The following NEMP2 variants were observed in gnomAD, a reference collection of about 807,000 sequenced individuals.
The protein encoded by NEMP2 is UPF0571 transmembrane protein.
Under a neutral mutation model 54.2 loss-of-function variants are expected in NEMP2, and 53 were observed. The observed-to-expected ratio is 0.98, with a 90% CI of 0.78 to 1.23. The LOEUF (loss-of-function observed/expected upper bound fraction) is 1.23, where lower values mean the gene tolerates loss of function less well. NEMP2 is among the 50% of genes most tolerant of loss of function. The pLI is 0.00. For synonymous variants in NEMP2, 197 were observed against 190.3 expected (o/e 1.04, Z -0.29); for missense variants, 455 against 511.3 (o/e 0.89, Z 1.06).
At chr2:190,622,442 G>T in the NEMP2 span, among the ~76,000 whole-genome samples, 2 of 151,662 alleles carry the variant, frequency 1.3e-5, no homozygotes, top group Non-Finnish European at 2.9e-5. Context: ...AAAATTAAAG[G>T]CTAAGACATC....
At chr2:190,555,011 C>T in the NEMP2 span, among the ~76,000 whole-genome samples, 2 of 152,164 alleles carry the variant, frequency 1.3e-5, no homozygotes, top group African/African-American at 2.4e-5. This position sits in a 1 kb window ranked among gnomAD's most constrained non-coding sequence, Gnocchi z 4.8. Context: ...GATACCCAGG[C>T]GAACAGGGTC....
chr2:190,517,742 T>G (rs1690611639), intron 4 of NEMP2, 129 bp from the exon 5 acceptor site: 1 of 670,108 alleles, frequency 1.5e-6, no homozygotes, highest in East Asian at 3.0e-5. Context: ...CAGCTCTCAT[T>G]ACATCCTATA....
the NEMP2 span, among the ~76,000 whole-genome samples, chr2:190,559,794 G>C: frequency 6.6e-6 from 1 of 152,208 alleles, no homozygotes; most frequent in Non-Finnish European, 1.5e-5. The surrounding 1 kb of genome is among the most constrained non-coding windows in gnomAD (Gnocchi z 4.0). Flanking sequence ...GGAGTATCCT[G>C]GCCCCTGGCA....
At chr2:190,485,176 T>G in the NEMP2 span, among the ~76,000 whole-genome samples, 1 of 152,208 alleles carries the variant, frequency 6.6e-6, no homozygotes, top group African/African-American at 2.4e-5. This position sits in a 1 kb window ranked among gnomAD's most constrained non-coding sequence, Gnocchi z 5.1. Context: ...TGATTAGAAT[T>G]TCTGAGAGGG....
At chr2:190,455,377 T>C in the NEMP2 span, among the ~76,000 whole-genome samples, 1 of 152,190 alleles carries the variant, frequency 6.6e-6, no homozygotes, top group South Asian at 2.1e-4. Flanking sequence ...TGATCACTAC[T>C]TTTTGTGTGT....
At chr2:190,430,359 G>T in the NEMP2 span, among the ~76,000 whole-genome samples, 12 of 149,924 alleles carry the variant, frequency 8.0e-5, 1 homozygote, top group Admixed American at 6.0e-4. Flanking sequence ...GCGGCCTTCC[G>T]CAGTGTTTGT....
At chr2:190,548,156 A>G in the NEMP2 span, among the ~76,000 whole-genome samples, 1 of 152,102 alleles carries the variant, frequency 6.6e-6, no homozygotes, top group Non-Finnish European at 1.5e-5. Context: ...TCCTAACCAC[A>G]TTGTGGTTGT....
At chr2:190,552,355 C>T in the NEMP2 span, among the ~76,000 whole-genome samples, 1 of 152,088 alleles carries the variant, frequency 6.6e-6, no homozygotes, top group African/African-American at 2.4e-5. Context: ...TAAGTAGTTA[C>T]TCTGTTTTTA....
At chr2:190,485,561 GA>G in the NEMP2 span, among the ~76,000 whole-genome samples, 2 of 152,016 alleles carry the variant, frequency 1.3e-5, no homozygotes, top group Non-Finnish European at 2.9e-5. This position sits in a 1 kb window ranked among gnomAD's most constrained non-coding sequence, Gnocchi z 5.1. Flanking sequence ...CTGCATATGT[GA>G]AAAGAAATGG....
At chr2:190,479,010 A>G in the NEMP2 span, among the ~76,000 whole-genome samples, 2 of 152,152 alleles carry the variant, frequency 1.3e-5, no homozygotes, top group Non-Finnish European at 2.9e-5. Context: ...TTGGGGTTGC[A>G]TGTAACTGCT....
At chr2:190,595,695 C>G in the NEMP2 span, among the ~76,000 whole-genome samples, 1 of 151,994 alleles carries the variant, frequency 6.6e-6, no homozygotes, top group Non-Finnish European at 1.5e-5. This position sits in a 1 kb window ranked among gnomAD's most constrained non-coding sequence, Gnocchi z 4.0. Context: ...AAAACCACAA[C>G]GAGATACCAT....
At chr2:190,488,382 G>C in the NEMP2 span, among the ~76,000 whole-genome samples, 1 of 152,166 alleles carries the variant, frequency 6.6e-6, no homozygotes, top group South Asian at 2.1e-4. The surrounding 1 kb of genome is among the most constrained non-coding windows in gnomAD (Gnocchi z 6.4). Flanking sequence ...TGGGACAAGG[G>C]GTGAGTGTAA....
Position 190,528,351 on chromosome 2 carries a change from G to A in NEMP2, c.98-2973C>T, listed in dbSNP as rs1450350677. ...GCAGAGGTGTGGGGATCAGATCTCT[G>A]GATTCACCTTGTCATGTTCTGCCTT... On this transcript the variant is annotated intron_variant, in intron 1 of 8. Transcript: ENST00000409150. This position sits in a 1 kb window ranked among gnomAD's most constrained non-coding sequence, Gnocchi z 4.3. Among the ~76,000 whole-genome samples the A allele has an allele frequency of 1.3e-5, 2 of 152,292 alleles. No individual in the cohort carries two copies. Among genetic ancestry groups the A allele is most frequent in the Non-Finnish European group, 2.9e-5 (2 of 68,020 alleles).
the NEMP2 span, chr2:190,435,933 T>G: frequency 6.9e-7 from 1 of 1,443,558 alleles, no homozygotes; most frequent in Non-Finnish European, 9.3e-7. Context: ...GTTTACATGT[T>G]ATGATTTTCA....
chr2:190,514,456 C>T lies in NEMP2; in HGVS notation c.950G>A (p.Arg317Lys). The change falls in exon 7 of 9, where the codon AGG (arginine) becomes AAG (lysine). Residue 317 changes from arginine (R) to lysine (K), a missense_variant. Arg to Lys is a conservative substitution (Grantham distance 26, BLOSUM62 2). This residue lies in a region of NEMP2 where 294 missense variants were observed against 333.6 expected (regional missense o/e 0.88). Transcript: ENST00000409150. This position sits in a 1 kb window ranked among gnomAD's most constrained non-coding sequence, Gnocchi z 5.7. ...HYPLRACSYM[R>K]WKMEQWFTSK... is the part of the protein sequence containing the mutation. ...GGGGGAAAAAAATGATACATACCACCTCATATAACTGCATGCTCTCAGTGG... is the reference window on the plus strand; with the variant it reads ...GGGGGAAAAAAATGATACATACCACTTCATATAACTGCATGCTCTCAGTGG... 6.4e-7 allele frequency: 1 copy of T among 1,550,554 alleles called. No homozygotes were observed.
chr2:190,635,479 G>C, the NEMP2 span, among the ~76,000 whole-genome samples: 2 of 151,858 alleles, frequency 1.3e-5, no homozygotes, highest in Admixed American at 1.3e-4. The surrounding 1 kb of genome is among the most constrained non-coding windows in gnomAD (Gnocchi z 4.1). Flanking sequence ...CTCCCAAAGT[G>C]CTCCCAATTT....
chr2:190,422,928 C>G, the NEMP2 span, among the ~76,000 whole-genome samples: 2 of 151,496 alleles, frequency 1.3e-5, no homozygotes, highest in Non-Finnish European at 2.9e-5. Flanking sequence ...TTGTAGAATA[C>G]TGTAGTTCAG....
At chr2:190,549,047 TTC>T in the NEMP2 span, among the ~76,000 whole-genome samples, 1 of 152,248 alleles carries the variant, frequency 6.6e-6, no homozygotes, top group Non-Finnish European at 1.5e-5. Flanking sequence ...CCCCTCCACT[TTC>T]TCTTTTCCTT....
chr2:190,454,337 T>C, the NEMP2 span: 2 of 152,240 alleles, frequency 1.3e-5, no homozygotes, highest in Non-Finnish European at 1.5e-5. This position sits in a 1 kb window ranked among gnomAD's most constrained non-coding sequence, Gnocchi z 4.6. Flanking sequence ...CATTTTTCTA[T>C]GGACTGAATG....
Sources: allele counts gnomAD v4.1 joint callset (sites outside exome capture counted in the v4.1 genomes callset), GRCh38; gene constraint gnomAD v4.1.1; regional missense constraint gnomAD v4.1.1; non-coding constraint Gnocchi (gnomAD v3.1); transcripts MANE v1.5; gene names NCBI Gene and HGNC (gene_info 2026-07-23, HGNC 2026-07-21).